The following HECW1 variants were observed in gnomAD, a reference collection of about 807,000 sequenced individuals.
The protein encoded by HECW1 is E3 ubiquitin-protein ligase HECW1.
HECW1 carries 61 observed loss-of-function variants against 182.3 expected under a neutral mutation model. The ratio of observed to expected loss-of-function variants is 0.33; its 90% CI spans 0.27 to 0.41. The LOEUF (loss-of-function observed/expected upper bound fraction) is 0.41. Among genes scored for constraint, HECW1 ranks in the 10% least tolerant of loss-of-function variants. The pLI, the probability that HECW1 is intolerant of heterozygous loss-of-function variation, is 1.00. For missense variants in HECW1, 1,739 were observed against 2,108.9 expected, an observed-to-expected ratio of 0.82 and a Z score of 3.44; for synonymous variants, 859 against 832.6, an observed-to-expected ratio of 1.03 and a Z score of -0.55.
rs561862946 is a variant in HECW1, at chr7:43,510,456, A to C, written c.4019+1335A>C. On this transcript the variant is annotated intron_variant, in intron 24 of 29. Transcript: ENST00000395891. ...ATACCTTCGCTAATTTAACAATTAT[A>C]AATTAAGCACATAGTATGTTCTGGG... Among the ~76,000 whole-genome samples, 26 of 152,358 alleles carry C rather than the reference A, an allele frequency of 1.7e-4. No homozygotes were observed. The South Asian group carries it at 3.5e-3, about 21-fold the overall frequency.
At chr7:43,216,980 C>T (rs1011402765) in intron 2 of HECW1, among the ~76,000 whole-genome samples, 1 of 152,148 alleles carries the variant, frequency 6.6e-6, no homozygotes, top group African/African-American at 2.4e-5. Flanking sequence ...AGCATCCTTG[C>T]ACCAGAGGGA....
Position 43,506,446 on chromosome 7 carries a change from T to G in HECW1, c.3632-691T>G, listed in dbSNP as rs2079578856. ...AGAATTAGAGAGGAAGACATAAATA[T>G]TTATTCTCATTAGAACTCATAAATG... On this transcript the variant is annotated intron_variant, in intron 21 of 29. Coordinates refer to ENST00000395891, the MANE Select transcript of HECW1 (RefSeq NM_015052.5). 3.3e-5 allele frequency among the ~76,000 whole-genome samples: 5 copies of G among 152,198 alleles called. No individual in the cohort carries two copies. The South Asian group carries it at 8.3e-4, about 25-fold the overall frequency.
rs1318436404 is a variant in HECW1 at position 43,308,094 on chromosome 7, A to AT, written c.28-3668dup. Among the ~76,000 whole-genome samples the AT allele has an allele frequency of 3.4e-4, 36 of 107,354 alleles. 1 individual carries two copies. Among genetic ancestry groups the AT allele is most frequent in the African/African-American group, 1.3e-3 (34 of 25,946 alleles). The allele number at this position is 107,354 out of a possible 152,430, so 70.4% of individuals were successfully genotyped here. On this transcript the variant is annotated intron_variant, in intron 3 of 29. Coordinates refer to ENST00000395891, the MANE Select transcript of HECW1 (RefSeq NM_015052.5). ...ATAAATATAATATATTATATATTAT[A>AT]TATGTTATATATAATATAACATATA...
rs57924544 is a variant in HECW1 at position 43,196,911 on chromosome 7, T to C, written c.-31-46964T>C. ...TTGAGTTTTATTTTCCCCCTGCCCT[T>C]GAGCCATTTTTTTAAGTATATACAT... On this transcript the variant is annotated intron_variant, in intron 2 of 29. Transcript: ENST00000395891. 2.8e-3 allele frequency among the ~76,000 whole-genome samples: 429 copies of C among 152,294 alleles called. 2 individuals carry two copies. Among genetic ancestry groups the C allele is most frequent in the African/African-American group, 9.8e-3 (408 of 41,556 alleles).
intron 8 of HECW1, among the ~76,000 whole-genome samples, chr7:43,437,161 A>G (rs1006901469): frequency 2.6e-5 from 4 of 152,232 alleles, no homozygotes; most frequent in African/African-American, 7.2e-5. Flanking sequence ...AGTTCAAAGT[A>G]CAAATGAAAT....
intron 2 of HECW1, among the ~76,000 whole-genome samples, chr7:43,210,634 A>G (rs1398598642): frequency 1.3e-5 from 2 of 152,112 alleles, no homozygotes; most frequent in Non-Finnish European, 2.9e-5. Flanking sequence ...TTATAGCTCT[A>G]TTAGAAGCCT....
intron 2 of HECW1, among the ~76,000 whole-genome samples, chr7:43,140,742 G>A (rs1006880680): frequency 6.6e-6 from 1 of 152,112 alleles, no homozygotes; most frequent in Non-Finnish European, 1.5e-5. Context: ...ACACAGACTG[G>A]GCATCTTCAG....
chr7:43,492,550 T>G (rs2078971405), intron 18 of HECW1, among the ~76,000 whole-genome samples: 1 of 152,232 alleles, frequency 6.6e-6, no homozygotes, highest in Non-Finnish European at 1.5e-5. Flanking sequence ...TCTTTCCATG[T>G]ATGTATGGCA....
At chr7:43,324,238 T>C (rs889169162) in intron 5 of HECW1, among the ~76,000 whole-genome samples, 4 of 152,186 alleles carry the variant, frequency 2.6e-5, no homozygotes, top group South Asian at 2.1e-4. Flanking sequence ...ATTTTGCAAA[T>C]ATATCAAACT....
chr7:43,534,381 C>A (rs2081099356), intron 24 of HECW1, among the ~76,000 whole-genome samples: 1 of 152,154 alleles, frequency 6.6e-6, no homozygotes, highest in African/African-American at 2.4e-5. Flanking sequence ...ATACTAATTC[C>A]TGCTAAAACA....
At chr7:43,199,552 A>G (rs1794842860) in intron 2 of HECW1, among the ~76,000 whole-genome samples, 1 of 152,168 alleles carries the variant, frequency 6.6e-6, no homozygotes, top group Admixed American at 6.5e-5. Flanking sequence ...AGTCTTACTC[A>G]TCACTATGTC....
intron 3 of HECW1, among the ~76,000 whole-genome samples, chr7:43,269,741 G>A (rs1802178602): frequency 6.6e-6 from 1 of 152,166 alleles, no homozygotes; most frequent in African/African-American, 2.4e-5. Flanking sequence ...TAACACACAA[G>A]TAGTCTAATG....
Position 43,442,575 on chromosome 7 carries a change from C to G in HECW1, c.991C>G (p.His331Asp), listed in dbSNP as rs2076922271. 3 of 1,613,902 alleles carry G rather than the reference C, an allele frequency of 1.9e-6. No individual in the cohort carries two copies. The highest frequency in any genetic ancestry group is 2.5e-6 in the Non-Finnish European group (3 of 1,179,934). Residue 331 changes from histidine (H) to aspartate (D), a missense_variant, in exon 10 of 30, where the codon CAT becomes GAT. Coordinates refer to ENST00000395891, the MANE Select transcript of HECW1 (RefSeq NM_015052.5). ...YTLGRRLPTD[H>D]VSGQLQFRFE... ...ACTTGGCCGCAGGCTTCCAACAGAT[C>G]ATGTGAGTGGACAGCTGCAATTCCG...
chr7:43,371,888 C>T (rs889211219), intron 6 of HECW1, among the ~76,000 whole-genome samples: 1 of 152,190 alleles, frequency 6.6e-6, no homozygotes, highest in Non-Finnish European at 1.5e-5. Flanking sequence ...GGCACGGTCT[C>T]GGCTCACTGC....
intron 27 of HECW1, 72 bp downstream of exon 27, chr7:43,550,663 T>C: frequency 6.9e-7 from 1 of 1,441,110 alleles, no homozygotes; most frequent in Non-Finnish European, 9.5e-7. Flanking sequence ...TCCTCCAGGC[T>C]CCCTGAGGGA....
intron 2 of HECW1, among the ~76,000 whole-genome samples, chr7:43,225,793 T>TC (rs1797371829): frequency 1.3e-5 from 2 of 149,276 alleles, no homozygotes; most frequent in African/African-American, 4.9e-5. Context: ...GAATAGATCT[T>TC]TTTTTTTTTG....
intron 26 of HECW1, among the ~76,000 whole-genome samples, chr7:43,549,051 G>A (rs2081686318): frequency 6.6e-6 from 1 of 152,180 alleles, no homozygotes; most frequent in African/African-American, 2.4e-5. Flanking sequence ...TCTTAGCCCA[G>A]ATGCGTACAG....
chr7:43,397,376 G>A (rs1257932255), intron 7 of HECW1, among the ~76,000 whole-genome samples: 2 of 152,154 alleles, frequency 1.3e-5, no homozygotes, highest in Admixed American at 6.6e-5. Flanking sequence ...GTAAGTTAAC[G>A]TTTTAGTTTT....
At chr7:43,124,514 G>A (rs1360077203) in intron 2 of HECW1, among the ~76,000 whole-genome samples, 2 of 152,204 alleles carry the variant, frequency 1.3e-5, no homozygotes, top group Non-Finnish European at 2.9e-5. Flanking sequence ...GAAACACGTT[G>A]TGAGCACACA....
Sources: allele counts gnomAD v4.1 joint callset (sites outside exome capture counted in the v4.1 genomes callset), GRCh38; gene constraint gnomAD v4.1.1; transcripts MANE v1.5; gene names NCBI Gene and HGNC (gene_info 2026-07-23, HGNC 2026-07-21).